LRRC49: variants seen among roughly 807,000 people sequenced by gnomAD.
LRRC49 encodes leucine-rich repeat-containing protein 49.
In LRRC49, 50 loss-of-function variants were observed where a neutral mutation model predicts 83.3. The ratio of observed to expected loss-of-function variants is 0.60; its 90% confidence interval spans 0.48 to 0.76. The LOEUF (loss-of-function observed/expected upper bound fraction) is 0.76. Among genes scored for constraint, LRRC49 ranks in the 30% least tolerant of loss-of-function variants. The pLI is 0.00. For missense variants in LRRC49, 704 were observed against 809.1 expected (o/e 0.87, Z 1.58); for synonymous variants, 286 against 283.3 (o/e 1.01, Z -0.10).
At position 71,010,099 on chromosome 15, in the gene LRRC49, T is replaced by C. The variant is rs2038600527; in HGVS notation, c.1593+107T>C. 5 of 624,646 alleles carry C rather than the reference T, an allele frequency of 8.0e-6. No homozygotes were observed. In the South Asian group the frequency reaches 1.4e-4, roughly 18 times the overall value. The allele number at this position is 624,646 out of a possible 1,614,324, so 38.7% of individuals were successfully genotyped here. A position where few individuals can be genotyped will look rare whatever the true frequency, so the allele number is the denominator to read the frequency against. ...AGTAACCATGATAGAACATTTGAGA[T>C]ATAATGGTTTTTTTTAAATTGACAT... On this transcript the variant is annotated intron_variant, in intron 13 of 15. Transcript: ENST00000260382.
At chr15:71,031,433 C>G (rs974039960) in intron 14 of LRRC49, among the ~76,000 whole-genome samples, 1 of 152,206 alleles carries the variant, frequency 6.6e-6, no homozygotes, top group African/African-American at 2.4e-5. Flanking sequence ...TGTCTGTTGG[C>G]CCCTGTTGGG....
chr15:71,037,468 G>A, intron 15 of LRRC49, 136 bp downstream of exon 15: 1 of 654,136 alleles, frequency 1.5e-6, no homozygotes. Flanking sequence ...ATATTACAAA[G>A]CCAGGGACAG....
At chr15:70,860,821 C>T (rs1263083080) in intron 1 of LRRC49, among the ~76,000 whole-genome samples, 1 of 152,170 alleles carries the variant, frequency 6.6e-6, no homozygotes, top group Admixed American at 6.5e-5. Flanking sequence ...GGCTATATGG[C>T]CACCTAATTA....
chr15:71,046,404 G>A (rs1395463761), intron 15 of LRRC49, among the ~76,000 whole-genome samples: 1 of 152,156 alleles, frequency 6.6e-6, no homozygotes, highest in African/African-American at 2.4e-5. Context: ...TCTAACTGGT[G>A]TGAGATGGTA....
rs148723779 is a variant in LRRC49, at chr15:70,882,776, G to A, written c.18+9553G>A. The A allele has an allele frequency of 4.9e-4, 789 of 1,614,006 alleles. 1 individual carries two copies. Among genetic ancestry groups the A allele is most frequent in the Non-Finnish European group, 6.3e-4 (748 of 1,180,026 alleles). ...CAAAACATACCCACACTACGGTGAC[G>A]GGGCCTTTTCAAAGAAATTTGTGTA... On this transcript the variant is annotated intron_variant, in intron 2 of 16. Transcript: ENST00000544974.
intron 6 of LRRC49, among the ~76,000 whole-genome samples, chr15:70,914,573 G>T (rs2034683487): frequency 6.6e-6 from 1 of 152,050 alleles, no homozygotes; most frequent in Non-Finnish European, 1.5e-5. Flanking sequence ...ATATGATAAG[G>T]GGGCAGATTG....
intron 2 of LRRC49, chr15:70,894,621 A>G: frequency 1.6e-6 from 2 of 1,287,826 alleles, no homozygotes; most frequent in Non-Finnish European, 2.0e-6. Context: ...ACACAACATG[A>G]TTTTTCCTCC....
intron 3 of LRRC49, among the ~76,000 whole-genome samples, chr15:70,898,148 A>G (rs1287014814): frequency 6.6e-6 from 1 of 152,160 alleles, no homozygotes; most frequent in South Asian, 2.1e-4. Context: ...CTTCATCTAT[A>G]TAGTCATACT....
chr15:71,017,336 A>C (rs146620983), intron 14 of LRRC49, among the ~76,000 whole-genome samples: 1,659 of 152,270 alleles, frequency 0.011, 31 homozygotes, highest in African/African-American at 0.037. Context: ...ATCTCATGTT[A>C]ATGAAAATGT....
intron 13 of LRRC49, 36 bp downstream of exon 13, chr15:71,010,028 T>G (rs1467214551): frequency 3.1e-6 from 4 of 1,270,960 alleles, no homozygotes; most frequent in Non-Finnish European, 4.3e-6. Flanking sequence ...AGAATAAAAA[T>G]ATTCCTTCTT....
intron 14 of LRRC49, 48 bp from the exon 15 acceptor site, chr15:71,037,131 G>GT: frequency 7.5e-7 from 1 of 1,332,758 alleles, no homozygotes; most frequent in Non-Finnish European, 1.1e-6. Flanking sequence ...ACATGTTTTA[G>GT]TAAGTCTGAT....
At chr15:71,040,693 G>T (rs975524996) in intron 15 of LRRC49, among the ~76,000 whole-genome samples, 6 of 151,884 alleles carry the variant, frequency 4.0e-5, no homozygotes, top group African/African-American at 1.5e-4. Flanking sequence ...GGTGGTGGGT[G>T]CCTGTAGACC....
intron 2 of LRRC49, 153 bp downstream of exon 2, chr15:70,893,793 T>C (rs1036686049): frequency 1.6e-5 from 10 of 608,676 alleles, no homozygotes; most frequent in Non-Finnish European, 2.8e-5. Flanking sequence ...ACTTTCTGCC[T>C]ACATAAAGCT....
intron 9 of LRRC49, among the ~76,000 whole-genome samples, chr15:70,975,107 T>C (rs1234011857): frequency 6.6e-6 from 1 of 152,198 alleles, no homozygotes; most frequent in Non-Finnish European, 1.5e-5. Flanking sequence ...GACAGTCCCA[T>C]CCCATTTTTT....
intron 8 of LRRC49, among the ~76,000 whole-genome samples, chr15:70,962,957 G>A (rs1203943367): frequency 6.6e-6 from 1 of 152,030 alleles, no homozygotes; most frequent in Non-Finnish European, 1.5e-5. Context: ...AACATCAACA[G>A]TAATAAGTCA....
chr15:70,893,713 AGT>A, intron 2 of LRRC49, 73 bp downstream of exon 2: 1 of 1,154,934 alleles, frequency 8.7e-7, no homozygotes, highest in East Asian at 2.4e-5. Context: ...CATGACTTAA[AGT>A]GTAGATAGAT....
At chr15:70,971,656 A>G (rs1000589446) in intron 9 of LRRC49, among the ~76,000 whole-genome samples, 24 of 152,120 alleles carry the variant, frequency 1.6e-4, no homozygotes, top group Non-Finnish European at 3.4e-4. Flanking sequence ...GTGCTCCTAT[A>G]TTGGGTGCAT....
chr15:70,966,915 A>G (rs1228364021), intron 9 of LRRC49, among the ~76,000 whole-genome samples: 1 of 152,172 alleles, frequency 6.6e-6, no homozygotes, highest in East Asian at 1.9e-4. Flanking sequence ...ATGACAATCT[A>G]GAGAGATAAG....
intron 9 of LRRC49, among the ~76,000 whole-genome samples, chr15:70,964,889 G>A (rs1409917868): frequency 6.6e-6 from 1 of 152,080 alleles, no homozygotes; most frequent in East Asian, 1.9e-4. Context: ...TTGTATATTA[G>A]CATCACAATG....
Sources: allele counts gnomAD v4.1 joint callset (sites outside exome capture counted in the v4.1 genomes callset), GRCh38; gene constraint gnomAD v4.1.1; transcripts MANE v1.5; gene names NCBI Gene and HGNC (gene_info 2026-07-23, HGNC 2026-07-21).